Variants in MYRIP observed in about 807,000 individuals in gnomAD.
MYRIP encodes the protein rab effector MyRIP.
A neutral mutation model predicts 98.0 loss-of-function variants in MYRIP; 49 were observed. The ratio of observed to expected loss-of-function variants is 0.50; its 90% CI spans 0.40 to 0.63. MYRIP has a LOEUF of 0.63. Among genes scored for constraint, MYRIP ranks in the 30% least tolerant of loss-of-function variants. The pLI, the probability that MYRIP is intolerant of heterozygous loss-of-function variation, is 0.00. For synonymous variants in MYRIP, 404 were observed against 409.5 expected (o/e 0.99, Z 0.16); for missense variants, 1,004 against 1,058.2 (o/e 0.95, Z 0.71).
In MYRIP at chr3:40,167,224, G is replaced by C. The variant is rs776243279; in HGVS notation, c.714G>C (p.Thr238=). The change falls in exon 7 of 17, where the codon ACG becomes ACC. Residue 238 remains threonine (T), a synonymous_variant. Transcript: ENST00000302541. ...AGGAGCTAACTGAGGAACTGGCCAC[G>C]ACAATCCTGCAGAAGGTAGGTGGGT... The part of the protein sequence containing the change: ...HKEELTEELA[T]TILQKIIRKQ... 19 of 1,614,148 alleles carry C rather than the reference G, an allele frequency of 1.2e-5. No individual in the cohort carries two copies. The South Asian group carries it at 2.0e-4, about 17-fold the overall frequency.
intron 2 of MYRIP, among the ~76,000 whole-genome samples, chr3:39,932,535 G>A (rs1269972992): frequency 1.3e-5 from 2 of 151,904 alleles, no homozygotes; most frequent in Admixed American, 6.6e-5. Flanking sequence ...TAAATTTTTC[G>A]GTTTTTTGGG....
intron 11 of MYRIP, among the ~76,000 whole-genome samples, chr3:40,231,370 C>T (rs1303933941): frequency 6.6e-6 from 1 of 152,218 alleles, no homozygotes; most frequent in Non-Finnish European, 1.5e-5. Context: ...CTCTTGTTCA[C>T]TGCTTTATCC....
chr3:40,094,955 A>G (rs1023027845), intron 3 of MYRIP, among the ~76,000 whole-genome samples: 1 of 152,094 alleles, frequency 6.6e-6, no homozygotes, highest in Non-Finnish European at 1.5e-5. Context: ...TCCCTCCCCA[A>G]CACTGAACAA....
chr3:39,847,699 C>T (rs528654086), intron 1 of MYRIP, among the ~76,000 whole-genome samples: 2 of 152,310 alleles, frequency 1.3e-5, no homozygotes, highest in East Asian at 3.9e-4. Context: ...GTGGCATTGT[C>T]CTCATCTACT....
At chr3:39,975,701 A>G (rs1482372723) in intron 2 of MYRIP, among the ~76,000 whole-genome samples, 1 of 152,156 alleles carries the variant, frequency 6.6e-6, no homozygotes, top group Non-Finnish European at 1.5e-5. Context: ...CAAAACAAAG[A>G]TATAGACTAA....
At chr3:40,080,791 C>CTTTTT (rs34610302) in intron 3 of MYRIP, among the ~76,000 whole-genome samples, 70 of 93,836 alleles carry the variant, frequency 7.5e-4, no homozygotes, top group African/African-American at 1.4e-3. Context: ...ATCCTAACTT[C>CTTTTT]TTTTTTTTTT....
chr3:39,838,990 T>C (rs1212968026), intron 1 of MYRIP, among the ~76,000 whole-genome samples: 2 of 152,204 alleles, frequency 1.3e-5, no homozygotes, highest in Non-Finnish European at 2.9e-5. Context: ...TTTTCTAGTT[T>C]ATGTGCATAG....
intron 3 of MYRIP, among the ~76,000 whole-genome samples, chr3:40,077,822 G>C (rs1948382419): frequency 6.6e-6 from 1 of 152,274 alleles, no homozygotes; most frequent in Non-Finnish European, 1.5e-5. Flanking sequence ...GTCTCCACCA[G>C]ACTCAGGAGC....
intron 8 of MYRIP, among the ~76,000 whole-genome samples, chr3:40,177,863 C>A (rs995956876): frequency 1.3e-5 from 2 of 152,104 alleles, no homozygotes; most frequent in African/African-American, 4.8e-5. Flanking sequence ...TTTCTCTGTT[C>A]TCCTGTCTTT....
chr3:39,918,253 C>A (rs1248060349), intron 2 of MYRIP, among the ~76,000 whole-genome samples: 2 of 152,184 alleles, frequency 1.3e-5, no homozygotes, highest in Non-Finnish European at 2.9e-5. Context: ...CCCAAGGAGG[C>A]CAGCATCAAA....
At chr3:40,023,796 A>G (rs1325376677) in intron 2 of MYRIP, among the ~76,000 whole-genome samples, 1 of 152,158 alleles carries the variant, frequency 6.6e-6, no homozygotes, top group Non-Finnish European at 1.5e-5. Flanking sequence ...AACAGTTAAT[A>G]TCTCAGAGAA....
chr3:40,137,533 A>G (rs2125556944), intron 3 of MYRIP, among the ~76,000 whole-genome samples: 1 of 152,368 alleles, frequency 6.6e-6, no homozygotes, highest in East Asian at 1.9e-4. Flanking sequence ...AACTCATTTT[A>G]TGAGGCCAGC....
chr3:39,954,052 C>T (rs1177469167), intron 2 of MYRIP, among the ~76,000 whole-genome samples: 3 of 152,164 alleles, frequency 2.0e-5, no homozygotes, highest in Admixed American at 6.5e-5. Flanking sequence ...TCAGGGAGTC[C>T]TATCTGCCTC....
At chr3:40,204,195 T>TATAAA (rs1251797307) in intron 10 of MYRIP, among the ~76,000 whole-genome samples, 2 of 30,724 alleles carry the variant, frequency 6.5e-5, no homozygotes, top group African/African-American at 2.0e-4. Flanking sequence ...TATATAAATA[T>TATAAA]TATATTATAT....
At chr3:39,813,270 C>T (rs1014537542) in intron 1 of MYRIP, among the ~76,000 whole-genome samples, 5 of 152,138 alleles carry the variant, frequency 3.3e-5, no homozygotes, top group African/African-American at 4.8e-5. Flanking sequence ...GCCCAAGTGA[C>T]CCGGGAGATG....
chr3:39,819,613 T>C (rs1037468083), intron 1 of MYRIP, among the ~76,000 whole-genome samples: 2 of 152,198 alleles, frequency 1.3e-5, no homozygotes, highest in African/African-American at 4.8e-5. Flanking sequence ...CACTGTGATA[T>C]TAACACCCTA....
chr3:40,224,600 A>G (rs1952437685), intron 11 of MYRIP, among the ~76,000 whole-genome samples: 1 of 152,190 alleles, frequency 6.6e-6, no homozygotes, highest in Admixed American at 6.5e-5. Context: ...TCAAAGAAGA[A>G]CAAGAAAATG....
chr3:39,863,119 A>G (rs1272784332), intron 1 of MYRIP, among the ~76,000 whole-genome samples: 1 of 152,206 alleles, frequency 6.6e-6, no homozygotes, highest in African/African-American at 2.4e-5. Flanking sequence ...ATGAGAAAAA[A>G]GTTACAACAT....
intron 2 of MYRIP, among the ~76,000 whole-genome samples, chr3:39,976,798 A>G (rs550965290): frequency 6.6e-6 from 1 of 152,288 alleles, no homozygotes; most frequent in Admixed American, 6.5e-5. Context: ...TCACAAGGAC[A>G]AAAAACCAAA....
Sources: allele counts gnomAD v4.1 joint callset (sites outside exome capture counted in the v4.1 genomes callset), GRCh38; gene constraint gnomAD v4.1.1; transcripts MANE v1.5; gene names NCBI Gene and HGNC (gene_info 2026-07-23, HGNC 2026-07-21).